Variants in PCCA observed in about 807,000 individuals in gnomAD.
PCCA encodes propionyl-CoA carboxylase subunit alpha.
PCCA carries 74 observed loss-of-function variants against 101.3 expected under a neutral mutation model. The observed-to-expected ratio is 0.73, with a 90% CI of 0.61 to 0.89. PCCA has a LOEUF of 0.89. PCCA is among the 40% of genes least tolerant of loss of function. The probability of loss-of-function intolerance (pLI) is 0.00; values close to 1 mark genes in which losing one functional copy is unlikely to be tolerated. For synonymous variants in PCCA, 294 were observed against 313.6 expected, an observed-to-expected ratio of 0.94 and a Z score of 0.66; for missense variants, 891 against 907.0, an observed-to-expected ratio of 0.98 and a Z score of 0.23.
At chr13:100,472,658 A>G (rs2083106989) in intron 21 of PCCA, among the ~76,000 whole-genome samples, 1 of 152,006 alleles carries the variant, frequency 6.6e-6, no homozygotes, top group Non-Finnish European at 1.5e-5. Flanking sequence ...TGGTTTGAAT[A>G]ATGATGGTGG....
intron 19 of PCCA, among the ~76,000 whole-genome samples, chr13:100,414,132 A>G (rs953769337): frequency 6.6e-6 from 1 of 152,246 alleles, no homozygotes; most frequent in Non-Finnish European, 1.5e-5. Flanking sequence ...TTACATTTAT[A>G]ACACATGGAT....
chr13:100,340,706 G>A (rs574919410), intron 18 of PCCA, among the ~76,000 whole-genome samples: 2 of 152,320 alleles, frequency 1.3e-5, no homozygotes, highest in African/African-American at 4.8e-5. Flanking sequence ...ACACAAGTGT[G>A]CCTTTTAGCT....
chr13:100,093,473 CATTT>C (rs952163488), intron 1 of PCCA, among the ~76,000 whole-genome samples: 27 of 152,292 alleles, frequency 1.8e-4, no homozygotes, highest in South Asian at 1.2e-3. Context: ...TTCATTCATT[CATTT>C]GTCTAGAGAT....
intron 6 of PCCA, among the ~76,000 whole-genome samples, chr13:100,189,881 A>G (rs535934566): frequency 1.3e-5 from 2 of 152,312 alleles, no homozygotes; most frequent in Non-Finnish European, 2.9e-5. Flanking sequence ...TCCTCTCACT[A>G]AAAATACCCT....
intron 7 of PCCA, among the ~76,000 whole-genome samples, chr13:100,218,279 C>T (rs1018601365): frequency 6.6e-6 from 1 of 151,742 alleles, no homozygotes; most frequent in African/African-American, 2.4e-5. Flanking sequence ...TCAAGTGATT[C>T]TCCTGCCTCA....
chr13:100,432,967 G>A (rs1249341832), intron 20 of PCCA, among the ~76,000 whole-genome samples: 1 of 152,194 alleles, frequency 6.6e-6, no homozygotes, highest in Non-Finnish European at 1.5e-5. Flanking sequence ...CATGTGACAG[G>A]ATGTCTTTCC....
intron 16 of PCCA, among the ~76,000 whole-genome samples, chr13:100,328,416 A>G (rs1267685306): frequency 1.1e-4 from 16 of 148,228 alleles, no homozygotes; most frequent in African/African-American, 3.7e-4. Context: ...TGATGATAAT[A>G]ATAATATATT....
At chr13:100,288,729 G>A (rs2064893183) in intron 12 of PCCA, among the ~76,000 whole-genome samples, 1 of 152,146 alleles carries the variant, frequency 6.6e-6, no homozygotes, top group Non-Finnish European at 1.5e-5. Flanking sequence ...AGACACCTTT[G>A]CATTTCTTTC....
chr13:100,516,284 A>T (rs1170608690), intron 22 of PCCA, among the ~76,000 whole-genome samples: 2 of 152,214 alleles, frequency 1.3e-5, no homozygotes, highest in Non-Finnish European at 2.9e-5. Context: ...TGTGCAGGAA[A>T]ATAGCATCCG....
intron 4 of PCCA, among the ~76,000 whole-genome samples, chr13:100,137,441 A>G (rs2051317859): frequency 6.6e-6 from 1 of 152,146 alleles, no homozygotes. Flanking sequence ...GAGAGTCTTG[A>G]TGTTTCCAAC....
At chr13:100,494,234 G>C (rs920370944) in intron 21 of PCCA, among the ~76,000 whole-genome samples, 1 of 152,122 alleles carries the variant, frequency 6.6e-6, no homozygotes, top group Non-Finnish European at 1.5e-5. Context: ...CTTTTACCAA[G>C]TTCTCATCTC....
intron 18 of PCCA, among the ~76,000 whole-genome samples, chr13:100,348,732 C>CT (rs1566975575): frequency 4.4e-4 from 44 of 100,486 alleles, no homozygotes; most frequent in African/African-American, 1.7e-3. Flanking sequence ...TTTTTCCTTT[C>CT]TTTCTTTCTT....
rs11301747 is a variant in PCCA at position 100,384,027 on chromosome 13, A to AT, written c.1746+15470dup. Among the ~76,000 whole-genome samples the AT allele has an allele frequency of 1.5e-3, 207 of 134,830 alleles. 1 individual carries two copies. Among genetic ancestry groups the AT allele is most frequent in the Middle Eastern group, 7.8e-3 (2 of 256 alleles). 88.5% of individuals were successfully genotyped at this position (134,830 alleles called of 152,430 possible). A position where few individuals can be genotyped will look rare whatever the true frequency, so the allele number is the denominator to read the frequency against. The stretch of plus-strand genomic sequence containing the variant: ...ATTTAAAGAGCACTTTGAAAGTTTG[A>AT]TTTTTTTTTTTTTTTTTGAGACAGA... On this transcript the variant is annotated intron_variant, in intron 19 of 23. Coordinates refer to ENST00000376285, the MANE Select transcript of PCCA (RefSeq NM_000282.4).
At chr13:100,293,340 TC>T in intron 12 of PCCA, 1 of 410,408 alleles carries the variant, frequency 2.4e-6, no homozygotes, top group Non-Finnish European at 5.1e-6. Context: ...ACCTTTATAT[TC>T]CAGAAAGATT....
In PCCA at chr13:100,427,841, G is replaced by A. The variant is rs985188461; in HGVS notation, c.1845+2110G>A. Among the ~76,000 whole-genome samples, 6 of 152,030 alleles carry A rather than the reference G, an allele frequency of 3.9e-5. 1 individual carries two copies. The highest frequency in any genetic ancestry group is 7.4e-5 in the Non-Finnish European group (5 of 67,996). On this transcript the variant is annotated intron_variant, in intron 20 of 23. Transcript: ENST00000376285. ...CGACTCTTTCCAAAAATGTAATGTGGCCCCTATGAAGATAATAACAATTGT... is the reference window on the plus strand; with the variant it reads ...CGACTCTTTCCAAAAATGTAATGTGACCCCTATGAAGATAATAACAATTGT...
intron 5 of PCCA, 97 bp downstream of exon 5, chr13:100,155,189 G>T (rs2053755166): frequency 2.4e-6 from 2 of 845,396 alleles, no homozygotes; most frequent in African/African-American, 3.4e-5. Flanking sequence ...AAGAATGATT[G>T]AAAATGCTGT....
chr13:100,529,960 TGG>T, intron 23 of PCCA, 136 bp from the exon 24 acceptor site: 10 of 212,702 alleles, frequency 4.7e-5, no homozygotes, highest in Admixed American at 2.8e-4. Context: ...TGGGCTCCGG[TGG>T]GGTGGGGTGG....
intron 21 of PCCA, chr13:100,490,013 G>T (rs1165704857): frequency 1.2e-4 from 18 of 152,384 alleles, no homozygotes; most frequent in Admixed American, 9.8e-4. Context: ...ACCCCATGGT[G>T]TGTGGTTCTG....
At chr13:100,273,476 T>G (rs2063445523) in intron 12 of PCCA, 130 bp downstream of exon 12, 2 of 744,574 alleles carry the variant, frequency 2.7e-6, no homozygotes, top group East Asian at 5.4e-5. Flanking sequence ...GTTTTTATGC[T>G]TGTGCTAAGA....
Sources: allele counts gnomAD v4.1 joint callset (sites outside exome capture counted in the v4.1 genomes callset), GRCh38; gene constraint gnomAD v4.1.1; transcripts MANE v1.5; gene names NCBI Gene and HGNC (gene_info 2026-07-23, HGNC 2026-07-21).